The following ZCCHC7 variants were observed in gnomAD, a reference collection of about 807,000 sequenced individuals.
ZCCHC7 encodes the protein zinc finger CCHC domain-containing protein 7.
In ZCCHC7, 35 loss-of-function variants were observed where a neutral mutation model predicts 52.0. That is an observed-to-expected ratio of 0.67 (90% CI 0.51 to 0.89). The LOEUF is 0.89. ZCCHC7 is among the 40% of genes least tolerant of loss of function. The probability of loss-of-function intolerance (pLI) is 0.00; values close to 1 mark genes in which losing one functional copy is unlikely to be tolerated. For synonymous variants in ZCCHC7, 217 were observed against 221.5 expected, an observed-to-expected ratio of 0.98 and a Z score of 0.18; for missense variants, 574 against 649.1, an observed-to-expected ratio of 0.88 and a Z score of 1.26.
chr9:37,323,937 T>C (rs1830145022), intron 5 of ZCCHC7, among the ~76,000 whole-genome samples: 1 of 152,074 alleles, frequency 6.6e-6, no homozygotes, highest in Admixed American at 6.6e-5. Flanking sequence ...GGCTTCAGAG[T>C]AGGGGCGTTC....
In ZCCHC7 at chr9:37,354,765, A is replaced by G; in HGVS notation, c.1139A>G (p.Tyr380Cys). 2 of 1,613,478 alleles carry G rather than the reference A, an allele frequency of 1.2e-6. No individual in the cohort carries two copies. Among genetic ancestry groups the G allele is most frequent in the East Asian group, 2.2e-5 (1 of 44,866 alleles). ...TCTCCAGTATCTCCATTCATCTGCT[A>G]CTATGATGACAAATATGAAATTCAG... is the stretch of plus-strand genomic sequence containing the variant. ...DPSPVSPFIC[Y>C]YDDKYEIQER... The change falls in exon 8 of 9, where the codon TAC becomes TGC. Residue 380 changes from tyrosine to cysteine, a missense_variant. Around this residue, in one of 3 missense-constraint regions of ZCCHC7, gnomAD observed 403 missense variants for 461.2 expected, o/e 0.87. Coordinates refer to ENST00000336755, the MANE Select transcript of ZCCHC7 (RefSeq NM_032226.3). The surrounding 1 kb of genome is among the most constrained non-coding windows in gnomAD (Gnocchi z 4.0).
At chr9:37,173,535 T>C (rs901557150) in intron 2 of ZCCHC7, among the ~76,000 whole-genome samples, 1 of 152,226 alleles carries the variant, frequency 6.6e-6, no homozygotes, top group Non-Finnish European at 1.5e-5. Flanking sequence ...CCTATAAAAC[T>C]TCAGTTAGAT....
chr9:37,352,549 G>A (rs1322138808), intron 7 of ZCCHC7, among the ~76,000 whole-genome samples: 8 of 95,708 alleles, frequency 8.4e-5, no homozygotes, highest in East Asian at 5.9e-4. Flanking sequence ...ACAGAGTTTC[G>A]CCCTTGTTGC....
At chr9:37,192,248 C>T (rs897242555) in intron 2 of ZCCHC7, among the ~76,000 whole-genome samples, 2 of 152,220 alleles carry the variant, frequency 1.3e-5, no homozygotes, top group Non-Finnish European at 2.9e-5. Context: ...ATCTCAGTAA[C>T]AGCAAGTGTT....
chr9:37,250,380 C>T (rs1339490965), intron 2 of ZCCHC7, among the ~76,000 whole-genome samples: 1 of 150,650 alleles, frequency 6.6e-6, no homozygotes, highest in African/African-American at 2.4e-5. Context: ...CAGCGCACTG[C>T]AACCTCCGCC....
intron 2 of ZCCHC7, among the ~76,000 whole-genome samples, chr9:37,255,062 T>G (rs559290457): frequency 4.6e-5 from 7 of 152,084 alleles, no homozygotes; most frequent in African/African-American, 1.7e-4. Flanking sequence ...TCCCAGTGGA[T>G]GTCTAAAACT....
At chr9:37,276,981 A>C (rs1200680968) in intron 2 of ZCCHC7, among the ~76,000 whole-genome samples, 1 of 152,210 alleles carries the variant, frequency 6.6e-6, no homozygotes, top group African/African-American at 2.4e-5. Context: ...TCCAGCCCAA[A>C]GTACCTTCTC....
intron 2 of ZCCHC7, among the ~76,000 whole-genome samples, chr9:37,187,211 A>G (rs1377797570): frequency 2.6e-5 from 4 of 152,234 alleles, no homozygotes; most frequent in Admixed American, 6.5e-5. Flanking sequence ...GGTCTTGACT[A>G]GCAGTCCCAA....
intron 2 of ZCCHC7, among the ~76,000 whole-genome samples, chr9:37,275,633 C>CT (rs1250698953): frequency 2.0e-5 from 3 of 151,844 alleles, no homozygotes; most frequent in Non-Finnish European, 2.9e-5. Flanking sequence ...ATGGCAGACT[C>CT]TTTTTTCTTT....
At chr9:37,142,959 T>C (rs1169056888) in intron 2 of ZCCHC7, among the ~76,000 whole-genome samples, 1 of 151,816 alleles carries the variant, frequency 6.6e-6, no homozygotes, top group African/African-American at 2.4e-5. Context: ...ATGTTATTAA[T>C]TCTTAAAGCT....
intron 2 of ZCCHC7, among the ~76,000 whole-genome samples, chr9:37,278,864 C>T (rs983136221): frequency 6.6e-6 from 1 of 152,070 alleles, no homozygotes; most frequent in Non-Finnish European, 1.5e-5. Context: ...GGAATGAATG[C>T]CACATGAAGA....
intron 2 of ZCCHC7, among the ~76,000 whole-genome samples, chr9:37,281,841 A>G (rs1827972221): frequency 6.6e-6 from 1 of 152,228 alleles, no homozygotes; most frequent in Admixed American, 6.5e-5. Flanking sequence ...TGAGAACTCT[A>G]TCATAAAACA....
At chr9:37,248,145 A>G (rs902433900) in intron 2 of ZCCHC7, among the ~76,000 whole-genome samples, 2 of 152,212 alleles carry the variant, frequency 1.3e-5, no homozygotes, top group Non-Finnish European at 2.9e-5. Flanking sequence ...AGTAGAATAC[A>G]TTTGTATAAT....
At position 37,288,745 on chromosome 9, in the gene ZCCHC7, A is replaced by G. The variant is rs139538236; in HGVS notation, c.611-13443A>G. ...ATAACACCTCTTCTTTGATAGATAC[A>G]TTGTGTTTAGTTGGTTACGGGGCAC... is the stretch of plus-strand genomic sequence containing the variant. On this transcript the variant is annotated intron_variant, in intron 2 of 8. Coordinates refer to ENST00000336755, the MANE Select transcript of ZCCHC7 (RefSeq NM_032226.3). 1.5e-3 allele frequency among the ~76,000 whole-genome samples: 227 copies of G among 152,194 alleles called. 1 individual carries two copies. The highest frequency in any genetic ancestry group is 0.011 in the East Asian group (59 of 5,178).
At chr9:37,146,750 G>A (rs1402338733) in intron 2 of ZCCHC7, among the ~76,000 whole-genome samples, 1 of 151,870 alleles carries the variant, frequency 6.6e-6, no homozygotes, top group Non-Finnish European at 1.5e-5. Flanking sequence ...GATAAGGACA[G>A]ATTTAAAAAT....
chr9:37,245,144 T>C (rs2133371939), intron 2 of ZCCHC7, among the ~76,000 whole-genome samples: 1 of 152,048 alleles, frequency 6.6e-6, no homozygotes, highest in African/African-American at 2.4e-5. Flanking sequence ...ATATTTTAGA[T>C]AGATAAAATT....
chr9:37,230,774 A>AT (rs1354303310), intron 2 of ZCCHC7, among the ~76,000 whole-genome samples: 2 of 151,638 alleles, frequency 1.3e-5, no homozygotes, highest in African/African-American at 2.4e-5. Flanking sequence ...CTCAGACTAG[A>AT]TTTTTTTTCA....
intron 2 of ZCCHC7, among the ~76,000 whole-genome samples, chr9:37,242,859 A>G (rs1463640226): frequency 1.3e-5 from 2 of 151,886 alleles, no homozygotes; most frequent in Non-Finnish European, 3.0e-5. Flanking sequence ...TTTGAACTTC[A>G]GGAAGCAATT....
chr9:37,183,856 C>T (rs1347589610), intron 2 of ZCCHC7, among the ~76,000 whole-genome samples: 1 of 152,192 alleles, frequency 6.6e-6, no homozygotes, highest in East Asian at 1.9e-4. Flanking sequence ...ACTCCTCTTG[C>T]TCCAGAGTCT....
Sources: gnomAD v4.1 joint callset for allele counts (sites outside exome capture counted in the v4.1 genomes callset) on GRCh38, gnomAD v4.1.1 for gene constraint, gnomAD v4.1.1 regional missense constraint, Gnocchi (gnomAD v3.1) non-coding constraint, MANE v1.5 for transcripts, NCBI Gene and HGNC (gene_info 2026-07-23, HGNC 2026-07-21) for gene names.